ANKS1A: variants seen among roughly 807,000 people sequenced by gnomAD.
ANKS1A encodes ankyrin repeat and sterile alpha motif domain containing 1A.
ANKS1A carries 55 observed loss-of-function variants against 120.3 expected under a neutral mutation model. The ratio of observed to expected loss-of-function variants is 0.46; its 90% CI spans 0.37 to 0.57. The LOEUF is 0.57. Ranked by LOEUF, ANKS1A falls within the 20% of genes least tolerant of loss-of-function variation. The pLI, the probability that ANKS1A is intolerant of heterozygous loss-of-function variation, is 0.00. For synonymous variants in ANKS1A, 590 were observed against 604.7 expected (o/e 0.98, Z 0.36); for missense variants, 1,123 against 1,480.3 (o/e 0.76, Z 3.96).
chr6:35,013,954 G>A (rs1250070537), intron 10 of ANKS1A, among the ~76,000 whole-genome samples: 2 of 152,192 alleles, frequency 1.3e-5, no homozygotes, highest in African/African-American at 4.8e-5. Flanking sequence ...TATTGAGAGC[G>A]TGGCATGTGC....
At chr6:34,947,053 C>G in intron 1 of ANKS1A, among the ~76,000 whole-genome samples, 1 of 150,626 alleles carries the variant, frequency 6.6e-6, no homozygotes, top group East Asian at 1.9e-4. Flanking sequence ...TCTTATTTTA[C>G]TATTTGGTAT....
rs559671917 is a variant in ANKS1A at position 35,090,408 on chromosome 6, G to A, written c.*1799G>A. On this transcript the variant is annotated 3_prime_UTR_variant, in exon 24 of 24. Coordinates refer to ENST00000360359, the MANE Select transcript of ANKS1A (RefSeq NM_015245.3). Reference sequence around the variant, plus strand: ...CAAGTGGGCCTCTGTCGGGGGCGGGGCGGTAGGTCCGAAAGAAACCGCAGA... The same window carrying A: ...CAAGTGGGCCTCTGTCGGGGGCGGGACGGTAGGTCCGAAAGAAACCGCAGA... The A allele has an allele frequency of 1.7e-6, 2 of 1,207,196 alleles. No homozygotes were observed. Among genetic ancestry groups the A allele is most frequent in the East Asian group, 1.2e-4 (2 of 17,314 alleles). The allele number at this position is 1,207,196 out of a possible 1,614,324, so 74.8% of individuals were successfully genotyped here. A position where few individuals can be genotyped will look rare whatever the true frequency, so the allele number is the denominator to read the frequency against.
At chr6:34,980,442 T>C (rs1033620308) in intron 3 of ANKS1A, among the ~76,000 whole-genome samples, 1 of 152,218 alleles carries the variant, frequency 6.6e-6, no homozygotes. Flanking sequence ...TTGGAAAAAA[T>C]GATGCAGTCA....
chr6:34,971,138 A>G (rs1408601282), intron 3 of ANKS1A, among the ~76,000 whole-genome samples: 3 of 152,250 alleles, frequency 2.0e-5, no homozygotes, highest in Non-Finnish European at 4.4e-5. Context: ...TACTCATGCT[A>G]GTGCCAAAAA....
In ANKS1A at chr6:35,090,245, A is replaced by G. The variant is rs553257801; in HGVS notation, c.*1636A>G. ...CCTTTCAGGGCCTGTGAGGATGCCC[A>G]TGAGCTACCGCTGTACAGTTCTCGG... On this transcript the variant is annotated 3_prime_UTR_variant, in exon 24 of 24. Coordinates refer to ENST00000360359, the MANE Select transcript of ANKS1A (RefSeq NM_015245.3). The G allele has an allele frequency of 2.3e-6, 3 of 1,289,682 alleles. No homozygotes were observed. Among genetic ancestry groups the G allele is most frequent in the South Asian group, 1.2e-5 (1 of 81,032 alleles). 79.9% of individuals were successfully genotyped at this position (1,289,682 alleles called of 1,614,324 possible). A position where few individuals can be genotyped will look rare whatever the true frequency, so the allele number is the denominator to read the frequency against.
Position 35,059,583 on chromosome 6 carries a change from C to T in ANKS1A, c.2078-564C>T, listed in dbSNP as rs1776382430. On this transcript the variant is annotated intron_variant, in intron 12 of 23. Coordinates refer to ENST00000360359, the MANE Select transcript of ANKS1A (RefSeq NM_015245.3). ...CCCTCCCGGAGCCCTCGCTGTGTGC[C>T]TGTGTCCCTCAGCTGCATGAAGATG... 2.0e-5 allele frequency among the ~76,000 whole-genome samples: 3 copies of T among 152,236 alleles called. No homozygotes were observed. The South Asian group carries it at 6.2e-4, about 31-fold the overall frequency.
At chr6:34,968,772 A>G (rs1197839011) in intron 2 of ANKS1A, among the ~76,000 whole-genome samples, 3 of 152,168 alleles carry the variant, frequency 2.0e-5, no homozygotes, top group African/African-American at 7.2e-5. Flanking sequence ...GATTATTGGA[A>G]TCATTTTAGA....
At chr6:35,025,205 CCTTT>C (rs1774554421) in intron 11 of ANKS1A, among the ~76,000 whole-genome samples, 1 of 151,524 alleles carries the variant, frequency 6.6e-6, no homozygotes, top group African/African-American at 2.4e-5. Context: ...ACAGTTTTGG[CCTTT>C]CTATCAAAGT....
At chr6:34,974,265 GCTTCCCCTTCCCTTCCCCTTCCCCTTCC>G (rs1771421112) in intron 3 of ANKS1A, among the ~76,000 whole-genome samples, 1 of 2,670 alleles carries the variant, frequency 3.7e-4, no homozygotes, top group Non-Finnish European at 6.7e-4. Flanking sequence ...CTTCCCCTTC[GCTTCCCCTTCCCTTCCCCTTCCCCTTCC>G]CTTCCCCTTC....
chr6:35,085,783 C>T lies in ANKS1A; in HGVS notation c.3150C>T (p.Ile1050=), dbSNP rs765149162. The T allele has an allele frequency of 3.6e-5, 57 of 1,597,364 alleles. No homozygotes were observed. The highest frequency in any genetic ancestry group is 3.4e-6 in the Non-Finnish European group (4 of 1,172,836). Residue 1050 remains isoleucine, a synonymous_variant, in exon 22 of 24, where the codon ATC becomes ATT. Coordinates refer to ENST00000360359, the MANE Select transcript of ANKS1A (RefSeq NM_015245.3). The surrounding 1 kb of genome is among the most constrained non-coding windows in gnomAD (Gnocchi z 4.7). ...CCTCCCAGAACCTGACCTACGAGAT[C>T]ATCCTGACGCTGGGGCAGGCCTTCG... ...STVDVNLTYE[I]ILTLGQAFEV...
intron 1 of ANKS1A, among the ~76,000 whole-genome samples, chr6:34,896,837 A>T (rs1767112975): frequency 6.6e-6 from 1 of 152,084 alleles, no homozygotes. Flanking sequence ...GGTGGCCTGC[A>T]TCTGTAATCC....
At chr6:35,053,288 C>T (rs1776056024) in intron 11 of ANKS1A, among the ~76,000 whole-genome samples, 1 of 152,234 alleles carries the variant, frequency 6.6e-6, no homozygotes, top group Non-Finnish European at 1.5e-5. Context: ...TAGTTCTGCC[C>T]CTGGCCAGGT....
chr6:35,040,942 G>A (rs993245178), intron 11 of ANKS1A, among the ~76,000 whole-genome samples: 1 of 152,190 alleles, frequency 6.6e-6, no homozygotes, highest in Non-Finnish European at 1.5e-5. Context: ...TCTGGGGAAG[G>A]AATAATGTTT....
At chr6:34,891,132 G>A (rs553518186) in intron 1 of ANKS1A, among the ~76,000 whole-genome samples, 1 of 152,304 alleles carries the variant, frequency 6.6e-6, no homozygotes, top group African/African-American at 2.4e-5. Context: ...CAAAAGGAGG[G>A]AGACTTAAGC....
intron 1 of ANKS1A, among the ~76,000 whole-genome samples, chr6:34,898,330 T>G (rs1767193885): frequency 6.6e-6 from 1 of 152,178 alleles, no homozygotes; most frequent in Non-Finnish European, 1.5e-5. Context: ...TCCACAATCC[T>G]TTGTTTGAAA....
the ANKS1A span, among the ~76,000 whole-genome samples, chr6:35,097,663 TACAC>T: frequency 0.21 from 26,726 of 129,266 alleles, 3,025 homozygotes; most frequent in African/African-American, 0.33. Flanking sequence ...AAAAAACACA[TACAC>T]ACACACACAC....
At chr6:34,943,966 A>C (rs1279416950) in intron 1 of ANKS1A, among the ~76,000 whole-genome samples, 4 of 152,234 alleles carry the variant, frequency 2.6e-5, no homozygotes, top group Admixed American at 2.6e-4. Context: ...AGAAACTGCC[A>C]AACTGTCTTT....
At chr6:34,953,544 CA>C (rs1178314581) in intron 1 of ANKS1A, among the ~76,000 whole-genome samples, 1 of 152,204 alleles carries the variant, frequency 6.6e-6, no homozygotes, top group African/African-American at 2.4e-5. Context: ...CCACTGTTTG[CA>C]ATGCCCTTGC....
intron 1 of ANKS1A, among the ~76,000 whole-genome samples, chr6:34,899,011 T>C (rs901172953): frequency 2.6e-5 from 4 of 152,204 alleles, no homozygotes; most frequent in Non-Finnish European, 5.9e-5. Flanking sequence ...TTCAATAGAA[T>C]GGTAGGTGTA....
Sources: allele counts gnomAD v4.1 joint callset (sites outside exome capture counted in the v4.1 genomes callset), GRCh38; gene constraint gnomAD v4.1.1; non-coding constraint Gnocchi (gnomAD v3.1); transcripts MANE v1.5; gene names NCBI Gene and HGNC (gene_info 2026-07-23, HGNC 2026-07-21).